The following GALNT11 variants were observed in gnomAD, a reference collection of about 807,000 sequenced individuals.
The protein encoded by GALNT11 is polypeptide N-acetylgalactosaminyltransferase 11.
GALNT11 carries 47 observed loss-of-function variants against 72.7 expected under a neutral mutation model. That is an observed-to-expected ratio of 0.65 (90% CI 0.51 to 0.82). The LOEUF (loss-of-function observed/expected upper bound fraction) is 0.82. Ranked by LOEUF, GALNT11 falls within the 40% of genes least tolerant of loss-of-function variation. GALNT11 has a pLI of 0.00. For synonymous variants in GALNT11, 270 were observed against 286.6 expected, an observed-to-expected ratio of 0.94 and a Z score of 0.58; for missense variants, 677 against 778.4, an observed-to-expected ratio of 0.87 and a Z score of 1.55.
rs2081972420 is a variant in GALNT11 at position 152,025,711 on chromosome 7, G to A, written c.-212G>A. The A allele has an allele frequency of 6.6e-6, 1 of 151,486 alleles. No individual in the cohort carries two copies. The highest frequency in any genetic ancestry group is 1.9e-4 in the South Asian group (1 of 5,288). The allele number at this position is 151,486 out of a possible 1,614,324, so 9.4% of individuals were successfully genotyped here. A position where few individuals can be genotyped will look rare whatever the true frequency, so the allele number is the denominator to read the frequency against. The stretch of plus-strand genomic sequence containing the variant: ...GCTCGGGGACTGGGCGAGGGCCCTG[G>A]GCCTGAGGAGGCGCGGCCGCCACTG... On this transcript the variant is annotated 5_prime_UTR_variant, in exon 1 of 12. Coordinates refer to ENST00000430044, the MANE Select transcript of GALNT11 (RefSeq NM_022087.4).
chr7:152,101,656 T>TGGGGG (rs2086916140), intron 3 of GALNT11, among the ~76,000 whole-genome samples: 1 of 123,414 alleles, frequency 8.1e-6, no homozygotes, highest in African/African-American at 3.2e-5. Flanking sequence ...GGGGGGGGGA[T>TGGGGG]GGAGTCTTTC....
intron 1 of GALNT11, among the ~76,000 whole-genome samples, chr7:152,047,539 A>G (rs376893183): frequency 6.6e-6 from 1 of 152,080 alleles, no homozygotes; most frequent in South Asian, 2.1e-4. Context: ...CTACAAAAAA[A>G]TACAAAAATT....
intron 1 of GALNT11, among the ~76,000 whole-genome samples, chr7:152,045,793 G>T (rs2083089648): frequency 6.6e-6 from 1 of 151,702 alleles, no homozygotes; most frequent in Non-Finnish European, 1.5e-5. Context: ...TTTCTGCTGT[G>T]ATCTTTTTTA....
chr7:152,033,225 G>A (rs1284551270), intron 1 of GALNT11, among the ~76,000 whole-genome samples: 1 of 152,158 alleles, frequency 6.6e-6, no homozygotes, highest in Non-Finnish European at 1.5e-5. Context: ...ATGAGGGGGT[G>A]GCTTGTTTCT....
chr7:152,036,824 T>C (rs1239651506), intron 1 of GALNT11, among the ~76,000 whole-genome samples: 2 of 152,262 alleles, frequency 1.3e-5, no homozygotes, highest in Non-Finnish European at 2.9e-5. Flanking sequence ...TTGTTTTGCA[T>C]TTCTCTGATC....
At chr7:152,061,744 T>C (rs917768187) in intron 1 of GALNT11, among the ~76,000 whole-genome samples, 2 of 152,206 alleles carry the variant, frequency 1.3e-5, no homozygotes, top group African/African-American at 4.8e-5. Context: ...CCTTTCCCCA[T>C]TTATTGTTTT....
chr7:152,075,790 C>CT (rs1370938214), intron 1 of GALNT11, among the ~76,000 whole-genome samples: 2 of 144,576 alleles, frequency 1.4e-5, no homozygotes, highest in Non-Finnish European at 3.0e-5. Context: ...GAGCAAAACT[C>CT]TGTCTCAAAA....
At chr7:152,057,609 A>T (rs2152045735) in intron 1 of GALNT11, among the ~76,000 whole-genome samples, 1 of 152,214 alleles carries the variant, frequency 6.6e-6, no homozygotes, top group East Asian at 1.9e-4. Context: ...GCCCGGCCAG[A>T]ATTAGATGAT....
intron 1 of GALNT11, among the ~76,000 whole-genome samples, chr7:152,045,102 G>A (rs1413313790): frequency 6.6e-6 from 1 of 152,066 alleles, no homozygotes; most frequent in Non-Finnish European, 1.5e-5. Flanking sequence ...ATTTGTGTAT[G>A]TTGAACCATC....
At chr7:152,091,334 G>A (rs575004460) in intron 1 of GALNT11, among the ~76,000 whole-genome samples, 2 of 152,032 alleles carry the variant, frequency 1.3e-5, no homozygotes, top group South Asian at 2.1e-4. Context: ...TCCCCCTCCC[G>A]GGTTCAAGCG....
intron 1 of GALNT11, among the ~76,000 whole-genome samples, chr7:152,087,133 C>G (rs2085700033): frequency 6.6e-6 from 1 of 152,092 alleles, no homozygotes; most frequent in South Asian, 2.1e-4. Context: ...AGCTTACTTC[C>G]TGGTATGGGA....
At chr7:152,088,195 G>T (rs1167448299) in intron 1 of GALNT11, among the ~76,000 whole-genome samples, 1 of 152,186 alleles carries the variant, frequency 6.6e-6, no homozygotes, top group African/African-American at 2.4e-5. Context: ...TGATACAAGT[G>T]ATTATAGGAA....
In GALNT11 at chr7:152,100,878, C is replaced by T. The variant is rs779220999; in HGVS notation, c.376C>T (p.Arg126Cys). Reference protein sequence around the residue: ...KHAFNMLISDRLGYHRDVPDT... With the variant: ...KHAFNMLISDCLGYHRDVPDT... ...TGCTTTTAATATGCTTATCAGTGACCGCTTGGGCTACCACAGAGATGTGCC... is the reference window on the plus strand; with the variant it reads ...TGCTTTTAATATGCTTATCAGTGACTGCTTGGGCTACCACAGAGATGTGCC... Residue 126 changes from arginine to cysteine, a missense_variant, in exon 3 of 12, where the codon CGC becomes TGC. By Grantham distance (180) the Arg-to-Cys change is radical. Coordinates refer to ENST00000430044, the MANE Select transcript of GALNT11 (RefSeq NM_022087.4). 14 of 1,613,738 alleles carry T rather than the reference C, an allele frequency of 8.7e-6. No individual in the cohort carries two copies. Among genetic ancestry groups the T allele is most frequent in the Admixed American group, 3.3e-5 (2 of 59,974 alleles).
At chr7:152,067,896 A>G (rs1282341878) in intron 1 of GALNT11, among the ~76,000 whole-genome samples, 2 of 152,130 alleles carry the variant, frequency 1.3e-5, no homozygotes, top group Non-Finnish European at 2.9e-5. Flanking sequence ...GCATCCAATC[A>G]TGGCAGAAGG....
intron 2 of GALNT11, among the ~76,000 whole-genome samples, chr7:152,096,331 A>T (rs1047427154): frequency 2.0e-5 from 3 of 152,238 alleles, no homozygotes; most frequent in African/African-American, 7.2e-5. Context: ...CTGAAAAAGA[A>T]CAAAGTTGTA....
chr7:152,042,257 A>G (rs567737936), intron 1 of GALNT11, among the ~76,000 whole-genome samples: 6 of 152,336 alleles, frequency 3.9e-5, no homozygotes, highest in South Asian at 2.1e-4. Flanking sequence ...TTAAAGGCCA[A>G]TTTTTTGGAA....
intron 1 of GALNT11, among the ~76,000 whole-genome samples, chr7:152,066,530 T>A (rs936922545): frequency 2.6e-5 from 4 of 152,242 alleles, no homozygotes; most frequent in Non-Finnish European, 5.9e-5. Context: ...TCTGCGTCAC[T>A]CACGCTGGGA....
At chr7:152,025,908 C>A (rs2081982146) in intron 1 of GALNT11, 24 bp downstream of exon 1, 2 of 224,394 alleles carry the variant, frequency 8.9e-6, no homozygotes, top group South Asian at 4.0e-5. Flanking sequence ...AGGCGGCGGC[C>A]TCCCGGCGTC....
chr7:152,099,113 T>C (rs2129043921), intron 2 of GALNT11, among the ~76,000 whole-genome samples: 1 of 152,078 alleles, frequency 6.6e-6, no homozygotes, highest in East Asian at 1.9e-4. Flanking sequence ...GGCTTATTTT[T>C]GTATTTTTAG....
Sources: gnomAD v4.1 joint callset for allele counts (sites outside exome capture counted in the v4.1 genomes callset) on GRCh38, gnomAD v4.1.1 for gene constraint, MANE v1.5 for transcripts, NCBI Gene and HGNC (gene_info 2026-07-23, HGNC 2026-07-21) for gene names.